The following DAB1 variants were observed in gnomAD, a reference collection of about 807,000 sequenced individuals.
The protein encoded by DAB1 is DAB adaptor protein 1.
In DAB1, 15 loss-of-function variants were observed where a neutral mutation model predicts 64.6. The observed-to-expected ratio is 0.23, with a 90% CI of 0.16 to 0.36. The LOEUF (loss-of-function observed/expected upper bound fraction) is 0.36. Ranked by LOEUF, DAB1 falls within the 10% of genes least tolerant of loss-of-function variation. DAB1 has a pLI of 1.00. For missense variants in DAB1, 596 were observed against 706.7 expected (o/e 0.84, Z 1.78); for synonymous variants, 235 against 251.9 (o/e 0.93, Z 0.64).
At chr1:58,222,810 A>G (rs1375805155) in intron 4 of DAB1, among the ~76,000 whole-genome samples, 1 of 152,212 alleles carries the variant, frequency 6.6e-6, no homozygotes, top group Admixed American at 6.5e-5. Flanking sequence ...ATTATGTGGT[A>G]GACTTCAGGC....
intron 7 of DAB1, among the ~76,000 whole-genome samples, chr1:57,563,665 C>A (rs983363667): frequency 2.0e-5 from 3 of 152,162 alleles, no homozygotes; most frequent in Non-Finnish European, 2.9e-5. Flanking sequence ...CTCGGAGGGT[C>A]CCATGCCCAC....
chr1:57,494,500 C>A lies in DAB1; in HGVS notation n.625+155092G>T, dbSNP rs188400968. ...TCTCTTCTGCATCTCCTTCCTGAAG[C>A]AAAAATGCCAGTGGAACTGAGAATC... On this transcript the variant is annotated intron_variant and non_coding_transcript_variant, in intron 7 of 20. Transcript: ENST00000485760. 2.0e-4 allele frequency among the ~76,000 whole-genome samples: 31 copies of A among 152,206 alleles called. No homozygotes were observed. The East Asian group carries it at 5.8e-3, about 29-fold the overall frequency.
chr1:57,274,734 C>T (rs1171065707), intron 2 of DAB1, among the ~76,000 whole-genome samples: 1 of 152,126 alleles, frequency 6.6e-6, no homozygotes, highest in Non-Finnish European at 1.5e-5. Context: ...GCGAGCACCA[C>T]CACGCCTGAC....
chr1:57,130,363 A>C (rs1657546099), intron 4 of DAB1, among the ~76,000 whole-genome samples: 1 of 152,130 alleles, frequency 6.6e-6, no homozygotes, highest in African/African-American at 2.4e-5. Flanking sequence ...ACACATTAAG[A>C]AAAATTACTT....
chr1:57,106,116 T>C (rs1158646261), intron 4 of DAB1, among the ~76,000 whole-genome samples: 1 of 152,188 alleles, frequency 6.6e-6, no homozygotes, highest in Non-Finnish European at 1.5e-5. Context: ...TAATAGTTTC[T>C]CTCCCTTTCT....
intron 7 of DAB1, among the ~76,000 whole-genome samples, chr1:57,452,930 GA>G (rs1686445515): frequency 6.7e-6 from 1 of 148,516 alleles, no homozygotes; most frequent in Admixed American, 6.7e-5. Flanking sequence ...AGGAATGAAG[GA>G]AAAAAGAAAA....
chr1:58,062,529 T>C (rs557490079), intron 5 of DAB1, among the ~76,000 whole-genome samples: 72 of 152,240 alleles, frequency 4.7e-4, no homozygotes, highest in Non-Finnish European at 9.1e-4. Flanking sequence ...GCTTCCTCTT[T>C]GAAACATCCA....
chr1:57,241,636 T>C (rs1420539224), intron 2 of DAB1, among the ~76,000 whole-genome samples: 1 of 152,226 alleles, frequency 6.6e-6, no homozygotes. Context: ...TTTGCAGTTG[T>C]ACATTGCTCC....
intron 5 of DAB1, among the ~76,000 whole-genome samples, chr1:58,140,629 G>A (rs546558258): frequency 2.0e-5 from 3 of 151,962 alleles, no homozygotes; most frequent in Non-Finnish European, 4.4e-5. Context: ...CCTGTTTAAT[G>A]CCTAGCTCCC....
intron 5 of DAB1, among the ~76,000 whole-genome samples, chr1:58,100,258 C>G (rs1651235711): frequency 1.3e-5 from 2 of 152,198 alleles, no homozygotes; most frequent in South Asian, 4.1e-4. Context: ...TCCTGCCTCA[C>G]CAATCCTTGG....
chr1:57,092,341 G>T (rs546890397), intron 4 of DAB1, among the ~76,000 whole-genome samples: 5 of 152,168 alleles, frequency 3.3e-5, no homozygotes, highest in African/African-American at 7.2e-5. Context: ...ATCTCCAATT[G>T]TAATCCCCAT....
intron 5 of DAB1, among the ~76,000 whole-genome samples, chr1:57,892,210 C>T (rs763631941): frequency 4.6e-5 from 7 of 152,124 alleles, no homozygotes; most frequent in Non-Finnish European, 1.0e-4. Flanking sequence ...CCACCTAGCT[C>T]GTCCTATGGG....
intron 5 of DAB1, among the ~76,000 whole-genome samples, chr1:58,000,757 G>C (rs1052923487): frequency 6.6e-6 from 1 of 151,674 alleles, no homozygotes; most frequent in Non-Finnish European, 1.5e-5. Context: ...TTTTAGTAGG[G>C]TCGGGGTTTC....
chr1:58,381,390 C>G (rs1344899785), intron 3 of DAB1, among the ~76,000 whole-genome samples: 1 of 152,008 alleles, frequency 6.6e-6, no homozygotes, highest in African/African-American at 2.4e-5. Context: ...TCAGCTTTTA[C>G]TCTATTATGA....
intron 7 of DAB1, among the ~76,000 whole-genome samples, chr1:57,591,947 C>A (rs1265218744): frequency 6.6e-6 from 1 of 152,110 alleles, no homozygotes; most frequent in African/African-American, 2.4e-5. Context: ...GCGCAAGGAT[C>A]CTTAGCTACA....
At chr1:58,464,728 G>A (rs1013387183) in intron 3 of DAB1, among the ~76,000 whole-genome samples, 1 of 152,172 alleles carries the variant, frequency 6.6e-6, no homozygotes. Context: ...AAGCAAATAC[G>A]ATGGATGTGG....
intron 4 of DAB1, among the ~76,000 whole-genome samples, chr1:58,325,546 T>C (rs1662801260): frequency 6.6e-6 from 1 of 152,178 alleles, no homozygotes; most frequent in Admixed American, 6.5e-5. Context: ...GCATATTAAG[T>C]ATATTAAGCT....
intron 4 of DAB1, among the ~76,000 whole-genome samples, chr1:57,115,006 T>C (rs751206392): frequency 7.9e-5 from 12 of 152,134 alleles, no homozygotes; most frequent in Non-Finnish European, 1.6e-4. Flanking sequence ...TAAATGCATG[T>C]AAAGTGTGCA....
intron 4 of DAB1, among the ~76,000 whole-genome samples, chr1:58,289,669 C>T (rs1227815823): frequency 6.6e-6 from 1 of 152,082 alleles, no homozygotes; most frequent in Non-Finnish European, 1.5e-5. Context: ...AAATAGGAGT[C>T]TTGTGATGAT....
Sources: gnomAD v4.1 joint callset for allele counts (sites outside exome capture counted in the v4.1 genomes callset) on GRCh38, gnomAD v4.1.1 for gene constraint, MANE v1.5 for transcripts, NCBI Gene and HGNC (gene_info 2026-07-23, HGNC 2026-07-21) for gene names.